The following FDXACB1 variants were observed in gnomAD, a reference collection of about 807,000 sequenced individuals.
The protein encoded by FDXACB1 is ferredoxin-fold anticodon-binding domain-containing protein 1.
FDXACB1 carries 41 observed loss-of-function variants against 51.7 expected under a neutral mutation model. The observed-to-expected ratio is 0.79, with a 90% confidence interval of 0.62 to 1.03. FDXACB1 has a LOEUF of 1.03. Among genes scored for constraint, FDXACB1 ranks in the 50% least tolerant of loss-of-function variants. The pLI, the probability that FDXACB1 is intolerant of heterozygous loss-of-function variation, is 0.00. For missense variants in FDXACB1, 697 were observed against 746.4 expected (o/e 0.93, Z 0.77); for synonymous variants, 273 against 278.6 (o/e 0.98, Z 0.20).
chr11:111,876,079 G>A lies in FDXACB1; in HGVS notation c.718C>T (p.His240Tyr), dbSNP rs782764668. Reference sequence around the variant, plus strand: ...TTCTCATTTATGGTTTTGATAGGATGACATGAAGGTGCTTCCAGGAAACCC... The same window carrying A: ...TTCTCATTTATGGTTTTGATAGGATAACATGAAGGTGCTTCCAGGAAACCC... The part of the protein sequence containing the change: ...NRGFLEAPSC[H>Y]PIKTINEKLI... Residue 240 changes from histidine (H) to tyrosine (Y), a missense_variant, in exon 5 of 5, where the codon CAT becomes TAT. By Grantham distance (83) the His-to-Tyr change is moderately conservative. This residue lies in a region of FDXACB1 where 538 missense variants were observed against 592.2 expected (regional missense o/e 0.91). Transcript: ENST00000260257. 4.4e-6 allele frequency: 7 copies of A among 1,607,062 alleles called. No individual in the cohort carries two copies. The highest frequency in any genetic ancestry group is 5.1e-6 in the Non-Finnish European group (6 of 1,176,198).
intron 2 of FDXACB1, among the ~76,000 whole-genome samples, 190 bp from the exon 3 acceptor site, chr11:111,877,201 T>G (rs529220759): frequency 4.6e-5 from 7 of 152,326 alleles, no homozygotes; most frequent in African/African-American, 1.4e-4. Context: ...AATTAAATGT[T>G]CAACCCACTC....
chr11:111,879,137 T>A lies in FDXACB1; in HGVS notation c.-5A>T. The A allele has an allele frequency of 6.2e-7, 1 of 1,602,626 alleles. No homozygotes were observed. ...CAGGAGGCGCCGAGGGGCCATGGCC[T>A]CCACGGACTCCCGGCTCGCGTTCTC... is the stretch of plus-strand genomic sequence containing the variant. On this transcript the variant is annotated 5_prime_UTR_variant, in exon 1 of 5. Transcript: ENST00000260257.
rs376752367 is a variant in FDXACB1 at position 111,876,581 on chromosome 11, A to G, written c.592T>C (p.Leu198=). 5 of 1,613,904 alleles carry G rather than the reference A, an allele frequency of 3.1e-6. No individual in the cohort carries two copies. The African/African-American group carries it at 6.7e-5, about 22-fold the overall frequency. ...GALNHIFTRS[L]PFEGSQPRIF... Reference sequence around the variant, plus strand: ...CTGGGTTGAGAACCTTCAAAAGGTAAGCTCCTGGTGAAGATATGGTTCAAA... The same window carrying G: ...CTGGGTTGAGAACCTTCAAAAGGTAGGCTCCTGGTGAAGATATGGTTCAAA... The change falls in exon 4 of 5, where the codon TTA becomes CTA. Residue 198 remains leucine, a synonymous_variant. Transcript: ENST00000260257.
rs782647610 is a variant in FDXACB1, at chr11:111,876,889, G to A, written c.452C>T (p.Ala151Val). The change falls in exon 3 of 5, where the codon GCA becomes GTA. Residue 151 changes from alanine to valine, a missense_variant. Physicochemically the swap from Ala to Val is moderately conservative, Grantham distance 64. This residue lies in a region of FDXACB1 where 538 missense variants were observed against 592.2 expected (regional missense o/e 0.91). Transcript: ENST00000260257. ...WHNSWQVVAMAALGGLILSDV... is the reference protein window; with the variant it reads ...WHNSWQVVAMVALGGLILSDV... ...GCTTAAAATGAGCCCCCCCAGGGCT[G>A]CCATGGCAACCACTTGCCAACTGTT... is the stretch of plus-strand genomic sequence containing the variant. The A allele has an allele frequency of 1.2e-6, 2 of 1,613,490 alleles. No homozygotes were observed. Among genetic ancestry groups the A allele is most frequent in the South Asian group, 2.2e-5 (2 of 90,932 alleles).
At position 111,874,971 on chromosome 11, in the gene FDXACB1, G is replaced by A. The variant is rs371108602; in HGVS notation, c.1826C>T (p.Ser609Phe). Residue 609 changes from serine (S) to phenylalanine (F), a missense_variant, in exon 5 of 5, where the codon TCC (serine) becomes TTC (phenylalanine). Ser to Phe is a radical substitution (Grantham distance 155, BLOSUM62 -2). This residue lies in a region of FDXACB1 where 538 missense variants were observed against 592.2 expected (regional missense o/e 0.91). Transcript: ENST00000260257. The stretch of plus-strand genomic sequence containing the variant: ...TTGTTGAATCTCCTTCCTAAACTGG[G>A]ACTGCATTGATGCTACTTGCTGCTG... The part of the protein sequence containing the change: ...LTQQQVASMQ[S>F]QFRKEIQQHL... 2.2e-5 allele frequency: 35 copies of A among 1,613,860 alleles called. No homozygotes were observed. The East Asian group carries it at 3.6e-4, about 16-fold the overall frequency.
At chr11:111,877,127 T>G in intron 2 of FDXACB1, 116 bp from the exon 3 acceptor site, 7 of 1,049,742 alleles carry the variant, frequency 6.7e-6, no homozygotes, top group Non-Finnish European at 9.5e-6. Context: ...ATCATACCTA[T>G]GTGCAAAAAT....
At position 111,875,274 on chromosome 11, in the gene FDXACB1, C is replaced by T; in HGVS notation, c.1523G>A (p.Trp508Ter). ...VWCISDWRMLWTFDNRFLKNF... is the reference protein window; with the variant it reads ...VWCISDWRML ...TTTCAGGAAACGGTTATCAAACGTCCACAACATTCTCCAGTCAGAGATACA... is the reference window on the plus strand; with the variant it reads ...TTTCAGGAAACGGTTATCAAACGTCTACAACATTCTCCAGTCAGAGATACA... The change falls in exon 5 of 5, where the codon TGG (tryptophan) becomes TAG (stop). Residue 508 changes from tryptophan to a stop codon, truncating the protein, a stop_gained. Transcript: ENST00000260257. LOFTEE classifies it high-confidence loss of function. 6.2e-7 allele frequency: 1 copy of T among 1,613,866 alleles called. No homozygotes were observed. Among genetic ancestry groups the T allele is most frequent in the Non-Finnish European group, 8.5e-7 (1 of 1,179,866 alleles).
Position 111,876,091 on chromosome 11 carries a change from C to T in FDXACB1, c.706G>A (p.Ala236Thr), listed in dbSNP as rs1555162127. ...VGKLNRGFLE[A>T]PSCHPIKTIN... ...GTTTTGATAGGATGACATGAAGGTG[C>T]TTCCAGGAAACCCCTGTTTAAACAC... Residue 236 changes from alanine to threonine, a missense_variant, in exon 5 of 5, where the codon GCA (alanine) becomes ACA (threonine). Ala to Thr is a moderately conservative substitution (Grantham distance 58). This residue lies in a region of FDXACB1 where 538 missense variants were observed against 592.2 expected (regional missense o/e 0.91). Coordinates refer to ENST00000260257, the MANE Select transcript of FDXACB1 (RefSeq NM_138378.3). 1 of 1,601,066 alleles carries T rather than the reference C, an allele frequency of 6.2e-7. No individual in the cohort carries two copies. Among genetic ancestry groups the T allele is most frequent in the Non-Finnish European group, 8.5e-7 (1 of 1,173,304 alleles).
At chr11:111,876,708 CAATT>C (rs1566369042) in intron 3 of FDXACB1, 69 bp from the exon 4 acceptor site, 2 of 1,583,886 alleles carry the variant, frequency 1.3e-6, no homozygotes, top group Non-Finnish European at 8.6e-7. Context: ...GAGACCGAAT[CAATT>C]AATTGGCAGG....
intron 3 of FDXACB1, 43 bp downstream of exon 3, chr11:111,876,765 A>G: frequency 6.2e-7 from 1 of 1,601,574 alleles, no homozygotes; most frequent in Non-Finnish European, 8.5e-7. Context: ...CATTAGTGAG[A>G]GAGATGAAAA....
rs371408294 is a variant in FDXACB1, at chr11:111,874,888, T to C, written c.*34A>G. 11 of 1,580,622 alleles carry C rather than the reference T, an allele frequency of 7.0e-6. No homozygotes were observed. The highest frequency in any genetic ancestry group is 8.6e-6 in the Non-Finnish European group (10 of 1,157,172). ...TAATTTTCCTCCACATCCCCCGCAA[T>C]GAAGGATCACACTGCAGAAAAGGAT... On this transcript the variant is annotated 3_prime_UTR_variant, in exon 5 of 5. Transcript: ENST00000260257.
chr11:111,879,062 A>C lies in FDXACB1; in HGVS notation c.71T>G (p.Leu24Arg). ...FSFAAALSET[L>R]DQSTQLTATC... is the part of the protein sequence containing the mutation. ...GGCGGTAAGTTGAGTGCTCTGATCC[A>C]GGGTTTCGCTCAGAGCGGCGGCGAA... is the stretch of plus-strand genomic sequence containing the variant. The change falls in exon 1 of 5, where the codon CTG becomes CGG. Residue 24 changes from leucine (L) to arginine (R), a missense_variant. Physicochemically the swap from Leu to Arg is moderately radical, Grantham distance 102. Transcript: ENST00000260257. The C allele has an allele frequency of 6.2e-7, 1 of 1,613,794 alleles. No individual in the cohort carries two copies. The highest frequency in any genetic ancestry group is 8.5e-7 in the Non-Finnish European group (1 of 1,179,860).
rs1592487718 is a variant in FDXACB1 at position 111,874,810 on chromosome 11, T to A, written c.*112A>T. 1.2e-6 allele frequency: 1 copy of A among 850,036 alleles called. No individual in the cohort carries two copies. The highest frequency in any genetic ancestry group is 1.7e-6 in the Non-Finnish European group (1 of 572,292). 52.7% of individuals were successfully genotyped at this position (850,036 alleles called of 1,614,324 possible). A position where few individuals can be genotyped will look rare whatever the true frequency, so the allele number is the denominator to read the frequency against. ...ACGAACAGTAGCTATGGTCACAAAG[T>A]AAAAGATTTTACAAAAACAAAAATC... On this transcript the variant is annotated 3_prime_UTR_variant, in exon 5 of 5. Coordinates refer to ENST00000260257, the MANE Select transcript of FDXACB1 (RefSeq NM_138378.3).
At chr11:111,876,287 C>T (rs2137345535) in intron 4 of FDXACB1, among the ~76,000 whole-genome samples, 183 bp from the exon 5 acceptor site, 1 of 152,316 alleles carries the variant, frequency 6.6e-6, no homozygotes, top group Non-Finnish European at 1.5e-5. Context: ...CTCTGACAGC[C>T]ACCATCCCTA....
In FDXACB1 at chr11:111,878,979, G is replaced by T; in HGVS notation, c.154C>A (p.Gln52Lys). The change falls in exon 1 of 5, where the codon CAG (glutamine) becomes AAG (lysine). Residue 52 changes from glutamine (Q) to lysine (K), a missense_variant. Transcript: ENST00000260257. ...TCGCTACCTCGCTCGCGCAGGCACT[G>T]CAGATTCTCCCAGGCCAGTGGATCC... Reference protein sequence around the residue: ...ARDPLAWENLQCLRERGIDVR... With the variant: ...ARDPLAWENLKCLRERGIDVR... The T allele has an allele frequency of 6.2e-7, 1 of 1,606,130 alleles. No homozygotes were observed. Among genetic ancestry groups the T allele is most frequent in the Middle Eastern group, 1.7e-4 (1 of 5,994 alleles).
Position 111,875,459 on chromosome 11 carries a change from C to T in FDXACB1, c.1338G>A (p.Lys446=), listed in dbSNP as rs782811634. ...GAGTCTTCACACGAATCATATAATC[C>T]TTTCCATTTGACTGAAGGACAAATT... ...LVKFVLQSNG[K]DYMIRVKTHN... Residue 446 remains lysine, a synonymous_variant, in exon 5 of 5, where the codon AAG becomes AAA. Coordinates refer to ENST00000260257, the MANE Select transcript of FDXACB1 (RefSeq NM_138378.3). The T allele has an allele frequency of 1.1e-5, 18 of 1,612,868 alleles. No homozygotes were observed. The highest frequency in any genetic ancestry group is 2.2e-5 in the South Asian group (2 of 91,014).
intron 2 of FDXACB1, 60 bp downstream of exon 2, chr11:111,878,496 A>C (rs1036621619): frequency 6.7e-7 from 1 of 1,491,838 alleles, no homozygotes; most frequent in African/African-American, 1.4e-5. Flanking sequence ...ATGTTTGGGT[A>C]CAGTAACTAT....
intron 4 of FDXACB1, 118 bp from the exon 5 acceptor site, chr11:111,876,222 G>T: frequency 2.0e-6 from 2 of 1,022,992 alleles, no homozygotes; most frequent in Non-Finnish European, 2.8e-6. Flanking sequence ...AATTGATCTT[G>T]AAAGGAAACA....
Position 111,876,610 on chromosome 11 carries a change from C to A in FDXACB1, c.563G>T (p.Gly188Val). 6.2e-7 allele frequency: 1 copy of A among 1,613,838 alleles called. No individual in the cohort carries two copies. The highest frequency in any genetic ancestry group is 1.1e-5 in the South Asian group (1 of 91,060). ...RSQDKSFHVEGALNHIFTRSL... is the reference protein window; with the variant it reads ...RSQDKSFHVEVALNHIFTRSL... ...CCTGGTGAAGATATGGTTCAAAGCA[C>A]CTTCTACATGAAAGGACTTATCTTG... Residue 188 changes from glycine (G) to valine (V), a missense_variant, in exon 4 of 5, where the codon GGT becomes GTT. Around this residue, in one of 3 missense-constraint regions of FDXACB1, gnomAD observed 538 missense variants for 592.2 expected, o/e 0.91. Coordinates refer to ENST00000260257, the MANE Select transcript of FDXACB1 (RefSeq NM_138378.3).
Sources: allele counts gnomAD v4.1 joint callset (sites outside exome capture counted in the v4.1 genomes callset), GRCh38; gene constraint gnomAD v4.1.1; regional missense constraint gnomAD v4.1.1; transcripts MANE v1.5; gene names NCBI Gene and HGNC (gene_info 2026-07-23, HGNC 2026-07-21).